OTUD7A: variants seen among roughly 807,000 people sequenced by gnomAD.
OTUD7A encodes the protein OTU domain-containing protein 7A.
Under a neutral mutation model 65.7 loss-of-function variants are expected in OTUD7A, and 12 were observed. The observed-to-expected ratio is 0.18, with a 90% CI of 0.12 to 0.30. The LOEUF (loss-of-function observed/expected upper bound fraction) is 0.30. OTUD7A is among the 10% of genes least tolerant of loss of function. OTUD7A has a pLI of 1.00. For missense variants in OTUD7A, 1,148 were observed against 1,304.8 expected (o/e 0.88, Z 1.85); for synonymous variants, 641 against 586.3 (o/e 1.09, Z -1.35).
At chr15:31,818,844 A>T (rs1299769513) in intron 1 of OTUD7A, among the ~76,000 whole-genome samples, 1 of 152,218 alleles carries the variant, frequency 6.6e-6, no homozygotes, top group Non-Finnish European at 1.5e-5. Flanking sequence ...AAAATAATTT[A>T]TGTAGTCCTG....
At chr15:31,581,817 T>C (rs940345008) in intron 3 of OTUD7A, among the ~76,000 whole-genome samples, 1 of 152,232 alleles carries the variant, frequency 6.6e-6, no homozygotes, top group Non-Finnish European at 1.5e-5. Flanking sequence ...ATTTTCCCCA[T>C]TGTCCTGGCA....
At chr15:31,789,534 AGT>A (rs1214758247) in intron 1 of OTUD7A, among the ~76,000 whole-genome samples, 1 of 152,190 alleles carries the variant, frequency 6.6e-6, no homozygotes, top group East Asian at 1.9e-4. Flanking sequence ...TGTCCAGTTC[AGT>A]GCTGTTGAGG....
At chr15:31,842,114 T>C (rs1449382314) in intron 1 of OTUD7A, among the ~76,000 whole-genome samples, 1 of 152,166 alleles carries the variant, frequency 6.6e-6, no homozygotes, top group Non-Finnish European at 1.5e-5. Flanking sequence ...ACACACATAA[T>C]ATTGAGTGAA....
chr15:31,713,917 TAAATG>T (rs1202244820), intron 1 of OTUD7A, among the ~76,000 whole-genome samples: 3 of 142,312 alleles, frequency 2.1e-5, no homozygotes, highest in Non-Finnish European at 4.7e-5. Context: ...TCAGTGAAAT[TAAATG>T]AAAATGAAAA....
intron 1 of OTUD7A, among the ~76,000 whole-genome samples, chr15:31,730,628 G>A (rs561064027): frequency 1.8e-4 from 27 of 152,360 alleles, no homozygotes; most frequent in Admixed American, 5.2e-4. Context: ...TTCAGCTGCT[G>A]CCAAGGTGTA....
At chr15:31,775,704 G>A (rs1409512318) in intron 1 of OTUD7A, among the ~76,000 whole-genome samples, 1 of 152,114 alleles carries the variant, frequency 6.6e-6, no homozygotes, top group Non-Finnish European at 1.5e-5. Flanking sequence ...GTAGTTTAAG[G>A]GGAAAAGATT....
At chr15:31,820,590 T>C (rs960019648) in intron 1 of OTUD7A, among the ~76,000 whole-genome samples, 3 of 152,160 alleles carry the variant, frequency 2.0e-5, no homozygotes, top group African/African-American at 4.8e-5. Context: ...TGGATACCTA[T>C]TGCTCTCTCT....
chr15:31,666,189 C>G (rs1045717008), intron 1 of OTUD7A, among the ~76,000 whole-genome samples: 2 of 151,898 alleles, frequency 1.3e-5, no homozygotes, highest in Non-Finnish European at 2.9e-5. Flanking sequence ...ATTAGGGAGG[C>G]TTTCTTCTTT....
At chr15:31,633,836 C>A (rs1222965069) in intron 3 of OTUD7A, among the ~76,000 whole-genome samples, 3 of 152,204 alleles carry the variant, frequency 2.0e-5, no homozygotes, top group African/African-American at 7.2e-5. Context: ...TCCCCACCCG[C>A]TAGCGAGCAC....
intron 3 of OTUD7A, among the ~76,000 whole-genome samples, chr15:31,649,087 T>A (rs889086508): frequency 6.6e-6 from 1 of 152,194 alleles, no homozygotes; most frequent in African/African-American, 2.4e-5. Context: ...AACGCTTACC[T>A]ATATGGCACT....
At chr15:31,835,028 A>G (rs1595802228) in intron 1 of OTUD7A, among the ~76,000 whole-genome samples, 1 of 152,238 alleles carries the variant, frequency 6.6e-6, no homozygotes, top group East Asian at 1.9e-4. Flanking sequence ...TCTTGCCACA[A>G]GCACCAGTGG....
In OTUD7A at chr15:31,498,497, T is replaced by C. The variant is rs1245782703; in HGVS notation, c.1171+3193A>G. Among the ~76,000 whole-genome samples, 1 of 152,206 alleles carries C rather than the reference T, an allele frequency of 6.6e-6. No individual in the cohort carries two copies. The highest frequency in any genetic ancestry group is 2.4e-5 in the African/African-American group (1 of 41,446). ...TTCCAAAGTTCTTTCCTAGGTTCTATGTTTCCAGGAACTATGCGGCACCTC... is the reference window on the plus strand; with the variant it reads ...TTCCAAAGTTCTTTCCTAGGTTCTACGTTTCCAGGAACTATGCGGCACCTC... On this transcript the variant is annotated intron_variant, in intron 10 of 12. Transcript: ENST00000307050. This position sits in a 1 kb window ranked among gnomAD's most constrained non-coding sequence, Gnocchi z 4.2.
Position 31,812,857 on chromosome 15 carries a change from G to T in OTUD7A, c.-100+57650C>A, listed in dbSNP as rs539774939. Among the ~76,000 whole-genome samples, 9 of 152,268 alleles carry T rather than the reference G, an allele frequency of 5.9e-5. No homozygotes were observed. In the East Asian group the frequency reaches 1.7e-3, roughly 29 times the overall value. On this transcript the variant is annotated intron_variant, in intron 1 of 12. Transcript: ENST00000307050. ...AGCTGAGTCTCCCCTTGGTCCTCAG[G>T]ACCCTTGATCTTAACATGCAAGTGA...
chr15:31,632,019 T>C (rs1197789799), intron 3 of OTUD7A, among the ~76,000 whole-genome samples: 2 of 152,208 alleles, frequency 1.3e-5, no homozygotes, highest in Non-Finnish European at 2.9e-5. Context: ...TTTAACTTCT[T>C]TGCCATTGGT....
intron 1 of OTUD7A, among the ~76,000 whole-genome samples, chr15:31,829,481 C>A (rs1896879180): frequency 6.6e-6 from 1 of 152,184 alleles, no homozygotes; most frequent in Admixed American, 6.5e-5. Context: ...GAAGTGGAGA[C>A]CATCTTGGCA....
At chr15:31,782,293 A>G (rs28760439) in intron 1 of OTUD7A, among the ~76,000 whole-genome samples, 17,943 of 152,258 alleles carry the variant, frequency 0.12, 2,881 homozygotes, top group African/African-American at 0.37. Context: ...TGGGAGGAGC[A>G]AATCCCGGTC....
At chr15:31,605,519 C>A (rs985195398) in intron 3 of OTUD7A, among the ~76,000 whole-genome samples, 12 of 152,182 alleles carry the variant, frequency 7.9e-5, no homozygotes, top group African/African-American at 2.9e-4. Context: ...CTGGGTAGGG[C>A]AAGGAGTGGC....
intron 1 of OTUD7A, among the ~76,000 whole-genome samples, chr15:31,710,011 T>C (rs1157528891): frequency 1.3e-5 from 2 of 151,784 alleles, no homozygotes; most frequent in African/African-American, 2.4e-5. Context: ...GAAAAAGTTA[T>C]GGAAGTATAA....
At chr15:31,626,432 T>C (rs1890953951) in intron 3 of OTUD7A, among the ~76,000 whole-genome samples, 1 of 152,214 alleles carries the variant, frequency 6.6e-6, no homozygotes, top group Non-Finnish European at 1.5e-5. Flanking sequence ...AATTCTTTCA[T>C]CTTTTGCATG....
Sources: allele counts gnomAD v4.1 joint callset (sites outside exome capture counted in the v4.1 genomes callset), GRCh38; gene constraint gnomAD v4.1.1; non-coding constraint Gnocchi (gnomAD v3.1); transcripts MANE v1.5; gene names NCBI Gene and HGNC (gene_info 2026-07-23, HGNC 2026-07-21).